Variants in TNS1 observed in about 807,000 individuals in gnomAD.
TNS1 encodes the protein tensin-1.
Under a neutral mutation model 168.6 loss-of-function variants are expected in TNS1, and 62 were observed. That is an observed-to-expected ratio of 0.37 (90% confidence interval 0.30 to 0.45). The LOEUF (loss-of-function observed/expected upper bound fraction) is 0.45. TNS1 is among the 20% of genes least tolerant of loss of function. TNS1 has a pLI of 1.00. For synonymous variants in TNS1, 934 were observed against 933.2 expected (o/e 1.00, Z -0.02); for missense variants, 2,240 against 2,339.4 (o/e 0.96, Z 0.88).
In TNS1 at chr2:217,927,629, G is replaced by A. The variant is rs577701266; in HGVS notation, c.187-7393C>T. On this transcript the variant is annotated intron_variant, in intron 3 of 32. Coordinates refer to ENST00000682258, the MANE Select transcript of TNS1 (RefSeq NM_001387777.1). ...GGAGAAGAGGACCCTATAACCCAGA[G>A]ACAAGAGGCCATCAGGCACCCTGAA... Among the ~76,000 whole-genome samples, 8 of 152,282 alleles carry A rather than the reference G, an allele frequency of 5.3e-5. No homozygotes were observed. The East Asian group carries it at 1.5e-3, about 29-fold the overall frequency.
At chr2:217,882,551 TATATACA>T in intron 16 of TNS1, 140 bp from the exon 17 acceptor site, 1 of 535,920 alleles carries the variant, frequency 1.9e-6, no homozygotes, top group Non-Finnish European at 3.2e-6. Flanking sequence ...TATTTATACA[TATATACA>T]TGAAATTATA....
chr2:217,871,636 C>A (rs373796998), intron 18 of TNS1, among the ~76,000 whole-genome samples: 1 of 152,264 alleles, frequency 6.6e-6, no homozygotes, highest in African/African-American at 2.4e-5. Flanking sequence ...GTGGTGCACA[C>A]GAGTTCTCTC....
At chr2:218,013,526 C>A (rs529432905), upstream of TNS1, among the ~76,000 whole-genome samples, 2 of 152,270 alleles carry the variant, frequency 1.3e-5, no homozygotes, top group African/African-American at 4.8e-5. Context: ...AACAGTGGCC[C>A]CCAGCTCCTC....
chr2:218,023,230 G>A (rs1338079688), intron 1 of TNS1, among the ~76,000 whole-genome samples: 2 of 152,186 alleles, frequency 1.3e-5, no homozygotes, highest in Non-Finnish European at 2.9e-5. Flanking sequence ...AGACACTGGA[G>A]AGACCAAGTG....
chr2:217,877,886 G>A (rs1950327954), intron 18 of TNS1, among the ~76,000 whole-genome samples: 1 of 152,130 alleles, frequency 6.6e-6, no homozygotes, highest in Admixed American at 6.5e-5. Context: ...CTGCCTGGCT[G>A]GGTGCTCCCT....
chr2:218,011,017 C>T (rs1958701203), upstream of TNS1, among the ~76,000 whole-genome samples: 1 of 152,138 alleles, frequency 6.6e-6, no homozygotes, highest in Non-Finnish European at 1.5e-5. Flanking sequence ...ACGTTCAGCA[C>T]ATCCAAAGAG....
intron 3 of TNS1, among the ~76,000 whole-genome samples, chr2:217,930,873 C>A (rs1173987063): frequency 6.6e-6 from 1 of 152,102 alleles, no homozygotes; most frequent in East Asian, 1.9e-4. Context: ...TATTCTGAAG[C>A]AGGGAGGCTG....
At chr2:217,873,865 CCA>C (rs776784750) in intron 18 of TNS1, among the ~76,000 whole-genome samples, 75 of 152,286 alleles carry the variant, frequency 4.9e-4, no homozygotes, top group Non-Finnish European at 8.7e-4. Flanking sequence ...GTCTCTGTCT[CCA>C]CACAGAGAAT....
chr2:217,844,880 A>G (rs973057309), intron 19 of TNS1, among the ~76,000 whole-genome samples: 3 of 152,118 alleles, frequency 2.0e-5, no homozygotes, highest in Non-Finnish European at 4.4e-5. Context: ...GGACTCTCCA[A>G]CTCTGACTCT....
At chr2:218,008,973 A>G (rs1436200410) in intron 1 of TNS1, among the ~76,000 whole-genome samples, 1 of 152,010 alleles carries the variant, frequency 6.6e-6, no homozygotes, top group Admixed American at 6.6e-5. Context: ...TCCTCACAAC[A>G]CTCCAAACGA....
At position 217,966,100 on chromosome 2, in the gene TNS1, T is replaced by G. The variant is rs576482707; in HGVS notation, c.186+12665A>C. Among the ~76,000 whole-genome samples, 15 of 152,280 alleles carry G rather than the reference T, an allele frequency of 9.9e-5. No individual in the cohort carries two copies. The South Asian group carries it at 3.1e-3, about 32-fold the overall frequency. ...CCCCCTCTCTCTAACTCCTCTGGTCTCTCAGATGCAGCAAACCCTTGTGTG... is the reference window on the plus strand; with the variant it reads ...CCCCCTCTCTCTAACTCCTCTGGTCGCTCAGATGCAGCAAACCCTTGTGTG... On this transcript the variant is annotated intron_variant, in intron 3 of 32. Transcript: ENST00000682258.
Position 217,882,171 on chromosome 2 carries a change from A to C in TNS1, c.1312+175T>G, listed in dbSNP as rs1950744242. On this transcript the variant is annotated intron_variant, in intron 17 of 32. Coordinates refer to ENST00000682258, the MANE Select transcript of TNS1 (RefSeq NM_001387777.1). ...TTTTATTTTTATTATCCAGAGATTAAGTCACTGGTTCATGTTTAGCTAGGG... is the reference window on the plus strand; with the variant it reads ...TTTTATTTTTATTATCCAGAGATTACGTCACTGGTTCATGTTTAGCTAGGG... 3 of 560,152 alleles carry C rather than the reference A, an allele frequency of 5.4e-6. No homozygotes were observed. The South Asian group carries it at 7.4e-5, about 14-fold the overall frequency. The allele number at this position is 560,152 out of a possible 1,614,324, so 34.7% of individuals were successfully genotyped here.
intron 1 of TNS1, among the ~76,000 whole-genome samples, chr2:218,024,112 C>G (rs1958832547): frequency 6.6e-6 from 1 of 152,198 alleles, no homozygotes; most frequent in Admixed American, 6.5e-5. Context: ...GGTGATGAAG[C>G]TGAAGATCGG....
At chr2:217,823,821 G>C (rs1278233428) in intron 22 of TNS1, among the ~76,000 whole-genome samples, 1 of 152,162 alleles carries the variant, frequency 6.6e-6, no homozygotes, top group Non-Finnish European at 1.5e-5. Flanking sequence ...CAGGCACCTC[G>C]GCACCCAAAG....
chr2:217,825,765 G>A (rs980127035), intron 22 of TNS1, among the ~76,000 whole-genome samples: 24 of 152,162 alleles, frequency 1.6e-4, no homozygotes, highest in African/African-American at 4.6e-4. Flanking sequence ...GGAGTCTGAT[G>A]GCAAGATTGC....
rs748977058 is a variant in TNS1, at chr2:217,881,014, C to T, written c.1313G>A (p.Gly438Asp). ...VFSYGPEKIQ[G>D]MEHLENGPSV... is the part of the protein sequence containing the mutation. Reference sequence around the variant, plus strand: ...CGGCCCGTTCTCCAGGTGCTCCATGCCTAAGTGGGATGGGAAAGGCAGCGG... The same window carrying T: ...CGGCCCGTTCTCCAGGTGCTCCATGTCTAAGTGGGATGGGAAAGGCAGCGG... The change falls in exon 18 of 33, where the codon GGC becomes GAC. Residue 438 changes from glycine to aspartate, a missense_variant and splice_region_variant. Physicochemically the swap from Gly to Asp is moderately conservative, Grantham distance 94. Transcript: ENST00000682258. The T allele has an allele frequency of 6.2e-7, 1 of 1,611,740 alleles. No homozygotes were observed. Among genetic ancestry groups the T allele is most frequent in the Non-Finnish European group, 8.5e-7 (1 of 1,177,958 alleles).
chr2:217,975,639 G>C (rs750132), intron 3 of TNS1, among the ~76,000 whole-genome samples: 1 of 152,052 alleles, frequency 6.6e-6, no homozygotes, highest in South Asian at 2.1e-4. Flanking sequence ...GAAATTTCTC[G>C]CATACCTCGT....
chr2:217,809,679 G>A, intron 30 of TNS1, 144 bp downstream of exon 30: 1 of 832,028 alleles, frequency 1.2e-6, no homozygotes, highest in Non-Finnish European at 1.9e-6. Context: ...GTAGATGGGA[G>A]GTAGATGCAA....
intron 18 of TNS1, among the ~76,000 whole-genome samples, chr2:217,876,771 G>A (rs77202199): frequency 0.014 from 2,089 of 152,160 alleles, 32 homozygotes; most frequent in African/African-American, 0.047. Context: ...AATACAAGCA[G>A]GGGGAAGATG....
Sources: allele counts gnomAD v4.1 joint callset (sites outside exome capture counted in the v4.1 genomes callset), GRCh38; gene constraint gnomAD v4.1.1; transcripts MANE v1.5; gene names NCBI Gene and HGNC (gene_info 2026-07-23, HGNC 2026-07-21).